The following CEP152 variants were observed in gnomAD, a reference collection of about 807,000 sequenced individuals.
CEP152 encodes the protein centrosomal protein of 152 kDa.
Under a neutral mutation model 188.9 loss-of-function variants are expected in CEP152, and 132 were observed. The observed-to-expected ratio is 0.70, with a 90% confidence interval of 0.61 to 0.81. The LOEUF is 0.81. Among genes scored for constraint, CEP152 ranks in the 30% least tolerant of loss-of-function variants. The probability of loss-of-function intolerance (pLI) is 0.00; values close to 1 mark genes in which losing one functional copy is unlikely to be tolerated. For missense variants in CEP152, 1,914 were observed against 1,969.8 expected, an observed-to-expected ratio of 0.97 and a Z score of 0.54; for synonymous variants, 649 against 666.6, an observed-to-expected ratio of 0.97 and a Z score of 0.41.
At chr15:48,754,535 T>C (rs1379348325) in intron 20 of CEP152, among the ~76,000 whole-genome samples, 1 of 152,148 alleles carries the variant, frequency 6.6e-6, no homozygotes, top group Non-Finnish European at 1.5e-5. Flanking sequence ...CCAAAAAATC[T>C]CAATTAAGTG....
At position 48,753,579 on chromosome 15, in the gene CEP152, G is replaced by A. The variant is rs187999483; in HGVS notation, c.3346-1110C>T. On this transcript the variant is annotated intron_variant, in intron 20 of 26. Transcript: ENST00000380950. ...GGCAATCAAGAAGCTATGGGTTTGA[G>A]GTCAAAAGGAGTAGGAAAAGCTGAA... Among the ~76,000 whole-genome samples, 23 of 152,262 alleles carry A rather than the reference G, an allele frequency of 1.5e-4. No individual in the cohort carries two copies. The East Asian group carries it at 4.2e-3, about 28-fold the overall frequency.
chr15:48,769,764 C>T (rs1895396596), intron 13 of CEP152, among the ~76,000 whole-genome samples: 1 of 152,196 alleles, frequency 6.6e-6, no homozygotes, highest in African/African-American at 2.4e-5. Context: ...TCATTTATGT[C>T]AGCATTCACT....
chr15:48,739,885 A>T (rs1423265135), intron 26 of CEP152, among the ~76,000 whole-genome samples: 1 of 152,214 alleles, frequency 6.6e-6, no homozygotes, highest in Non-Finnish European at 1.5e-5. Flanking sequence ...GTTGCCCCAG[A>T]TCTAGAAAAT....
At chr15:48,764,740 G>T (rs1894935434) in intron 17 of CEP152, among the ~76,000 whole-genome samples, 1 of 152,088 alleles carries the variant, frequency 6.6e-6, no homozygotes. Context: ...TTTAAAACTT[G>T]GAATTGAGCT....
intron 7 of CEP152, among the ~76,000 whole-genome samples, chr15:48,792,616 C>A (rs1427335501): frequency 6.6e-6 from 1 of 152,134 alleles, no homozygotes; most frequent in Non-Finnish European, 1.5e-5. Flanking sequence ...TAATTTGTAG[C>A]CTCAGGAAAC....
intron 1 of CEP152, among the ~76,000 whole-genome samples, chr15:48,809,446 G>A (rs1307403351): frequency 6.6e-6 from 1 of 152,086 alleles, no homozygotes; most frequent in Non-Finnish European, 1.5e-5. Flanking sequence ...AAAGTACAAA[G>A]CACAAATTAC....
At chr15:48,783,032 T>G (rs16961645) in intron 10 of CEP152, among the ~76,000 whole-genome samples, 22,471 of 152,084 alleles carry the variant, frequency 0.15, 1,889 homozygotes, top group East Asian at 0.39. Context: ...AGCTTTTGAA[T>G]AGCCCACCCT....
At chr15:48,780,865 A>G (rs565785327) in intron 12 of CEP152, among the ~76,000 whole-genome samples, 2 of 152,304 alleles carry the variant, frequency 1.3e-5, no homozygotes, top group South Asian at 4.1e-4. Flanking sequence ...TAAGTGTTTA[A>G]TTCTCCTTCT....
In CEP152 at chr15:48,797,477, C is replaced by T; in HGVS notation, c.364G>A (p.Glu122Lys). Residue 122 changes from glutamate (E) to lysine (K), a missense_variant, in exon 5 of 27, where the codon GAA becomes AAA. By Grantham distance (56) the Glu-to-Lys change is moderately conservative (BLOSUM62 1). Transcript: ENST00000380950. ...TEDRHPVYHPEEGGDEGGSGY... is the reference protein window; with the variant it reads ...TEDRHPVYHPKEGGDEGGSGY... ...CTTCCACCTTCATCTCCACCTTCTT[C>T]AGGATGGTACACAGGATGTCGGTCT... 6.2e-7 allele frequency: 1 copy of T among 1,614,114 alleles called. No homozygotes were observed. The highest frequency in any genetic ancestry group is 1.1e-5 in the South Asian group (1 of 91,086).
Position 48,755,999 on chromosome 15 carries a change from A to C in CEP152, c.3249T>G (p.Ser1083=). The stretch of plus-strand genomic sequence containing the variant: ...CCTTTAGTTTTTCAAAATATTGCAC[A>C]GACATCCATTTTGAAGAACAAGTCG... ...IMSTCSSKWM[S]VQYFEKLKGC... Residue 1083 remains serine, a synonymous_variant, in exon 20 of 27, where the codon TCT becomes TCG. Transcript: ENST00000380950. 1 of 1,613,948 alleles carries C rather than the reference A, an allele frequency of 6.2e-7. No homozygotes were observed. Among genetic ancestry groups the C allele is most frequent in the Non-Finnish European group, 8.5e-7 (1 of 1,179,838 alleles).
At chr15:48,744,458 T>C in intron 23 of CEP152, 115 bp from the exon 24 acceptor site, 1 of 1,524,060 alleles carries the variant, frequency 6.6e-7, no homozygotes, top group Non-Finnish European at 8.9e-7. Context: ...GCTAAAAATC[T>C]CATCTAGAAC....
At chr15:48,775,055 A>G (rs1394357234) in intron 12 of CEP152, among the ~76,000 whole-genome samples, 1 of 152,082 alleles carries the variant, frequency 6.6e-6, no homozygotes, top group Admixed American at 6.5e-5. Context: ...AGGACAAGAA[A>G]AAAAGGAGTG....
chr15:48,774,176 T>C (rs1385516049), intron 12 of CEP152, among the ~76,000 whole-genome samples: 3 of 151,960 alleles, frequency 2.0e-5, no homozygotes, highest in African/African-American at 4.8e-5. Flanking sequence ...CACATAGATA[T>C]AGAAATAAAA....
intron 18 of CEP152, among the ~76,000 whole-genome samples, chr15:48,761,253 T>C (rs1894661321): frequency 6.6e-6 from 1 of 152,186 alleles, no homozygotes; most frequent in Non-Finnish European, 1.5e-5. Context: ...ATTACATATA[T>C]TTGCCTGTAT....
intron 12 of CEP152, among the ~76,000 whole-genome samples, chr15:48,774,156 G>T (rs1053173735): frequency 6.6e-6 from 1 of 151,902 alleles, no homozygotes; most frequent in African/African-American, 2.4e-5. Flanking sequence ...CAGAAGAAAA[G>T]ATCAGTGAAC....
chr15:48,743,537 C>T (rs574020003), intron 24 of CEP152, among the ~76,000 whole-genome samples: 15 of 152,250 alleles, frequency 9.9e-5, no homozygotes, highest in Middle Eastern at 3.4e-3. Context: ...AGAACAATTG[C>T]TAACTAGATC....
Position 48,756,125 on chromosome 15 carries a change from C to A in CEP152, c.3123G>T (p.Gln1041His). 6.2e-7 allele frequency: 1 copy of A among 1,614,102 alleles called. No homozygotes were observed. Residue 1041 changes from glutamine to histidine, a missense_variant, in exon 20 of 27, where the codon CAG (glutamine) becomes CAT (histidine). Physicochemically the swap from Gln to His is conservative, Grantham distance 24 (BLOSUM62 0). Coordinates refer to ENST00000380950, the MANE Select transcript of CEP152 (RefSeq NM_001194998.2). ...EAKRIQLEIY[Q>H]YEEDILTVLG... ...GTACAGTCAGGATGTCTTCCTCATA[C>A]TGATAGATTTCCAGTTGGATCCGCT...
At chr15:48,760,299 G>C in intron 18 of CEP152, 33 bp from the exon 19 acceptor site, 1 of 1,612,798 alleles carries the variant, frequency 6.2e-7, no homozygotes, top group South Asian at 1.1e-5. Context: ...GAGGTAAAGG[G>C]AAGTATAAAA....
rs563313109 is a variant in CEP152, at chr15:48,768,740, GAGAA to G, written c.1908+212_1908+215del. ...TACCTCTGTCAGCCATGCTACCATA[GAGAA>G]AGAGAACTGGAACTACACTAACTTA... On this transcript the variant is annotated intron_variant, in intron 14 of 26. Transcript: ENST00000380950. Among the ~76,000 whole-genome samples the G allele has an allele frequency of 7.2e-5, 11 of 152,268 alleles. No homozygotes were observed. The East Asian group carries it at 1.9e-3, about 27-fold the overall frequency.
Sources: gnomAD v4.1 joint callset for allele counts (sites outside exome capture counted in the v4.1 genomes callset) on GRCh38, gnomAD v4.1.1 for gene constraint, MANE v1.5 for transcripts, NCBI Gene and HGNC (gene_info 2026-07-23, HGNC 2026-07-21) for gene names.